Variants in PDE7A observed in about 807,000 individuals in gnomAD.
PDE7A encodes the protein high affinity 3',5'-cyclic-AMP phosphodiesterase 7A.
In PDE7A, 39 loss-of-function variants were observed where a neutral mutation model predicts 64.3. The ratio of observed to expected loss-of-function variants is 0.61; its 90% CI spans 0.47 to 0.79. The LOEUF is 0.79. Ranked by LOEUF, PDE7A falls within the 30% of genes least tolerant of loss-of-function variation. PDE7A has a pLI of 0.00. For missense variants in PDE7A, 470 were observed against 582.8 expected, an observed-to-expected ratio of 0.81 and a Z score of 1.99; for synonymous variants, 203 against 206.8, an observed-to-expected ratio of 0.98 and a Z score of 0.16.
chr8:65,739,473 G>A, intron 6 of PDE7A, 29 bp downstream of exon 6: 1 of 1,522,824 alleles, frequency 6.6e-7, no homozygotes, highest in Non-Finnish European at 8.7e-7. Context: ...TGTAAATCTT[G>A]TTACTGTTAA....
intron 6 of PDE7A, among the ~76,000 whole-genome samples, chr8:65,735,943 A>G (rs1479887613): frequency 6.6e-6 from 1 of 152,058 alleles, no homozygotes; most frequent in Non-Finnish European, 1.5e-5. Context: ...TTTATAATTT[A>G]TATTTTTAGT....
chr8:65,789,947 G>C (rs1809655654), intron 1 of PDE7A, among the ~76,000 whole-genome samples: 1 of 152,204 alleles, frequency 6.6e-6, no homozygotes, highest in Non-Finnish European at 1.5e-5. Context: ...ACACAAAATT[G>C]CAACTGTAAC....
intron 1 of PDE7A, among the ~76,000 whole-genome samples, chr8:65,820,734 C>T (rs1052878989): frequency 4.6e-5 from 7 of 152,052 alleles, no homozygotes; most frequent in Non-Finnish European, 5.9e-5. Flanking sequence ...GGACTACAGA[C>T]GCACACCACT....
Position 65,782,850 on chromosome 8 carries a change from A to C in PDE7A, c.139-7T>G. 6.6e-7 allele frequency: 1 copy of C among 1,524,818 alleles called. No homozygotes were observed. Among genetic ancestry groups the C allele is most frequent in the Non-Finnish European group, 9.1e-7 (1 of 1,102,158 alleles). 94.5% of individuals were successfully genotyped at this position (1,524,818 alleles called of 1,614,324 possible). A position where few individuals can be genotyped will look rare whatever the true frequency, so the allele number is the denominator to read the frequency against. On this transcript the variant is annotated splice_polypyrimidine_tract_variant and splice_region_variant and intron_variant, in intron 1 of 12. Transcript: ENST00000401827. ...AGGAAATAGCTCCACGCCTCTAGAA[A>C]AAAAAATACACATTATAATACATGA...
At chr8:65,757,681 T>C (rs1207275211) in intron 3 of PDE7A, among the ~76,000 whole-genome samples, 1 of 152,182 alleles carries the variant, frequency 6.6e-6, no homozygotes, top group African/African-American at 2.4e-5. Context: ...TGCAGTGGCA[T>C]GATCTGGGCT....
intron 7 of PDE7A, 162 bp from the exon 8 acceptor site, chr8:65,727,463 C>T: frequency 1.0e-6 from 1 of 956,514 alleles, no homozygotes; most frequent in South Asian, 1.7e-5. Flanking sequence ...AGCACATCTG[C>T]CAGGTCCTGA....
intron 3 of PDE7A, among the ~76,000 whole-genome samples, chr8:65,754,399 C>A (rs926050369): frequency 3.3e-5 from 5 of 151,900 alleles, no homozygotes; most frequent in African/African-American, 4.8e-5. Context: ...CCATCATATA[C>A]CTCCTTTCCC....
intron 7 of PDE7A, among the ~76,000 whole-genome samples, chr8:65,732,277 G>C (rs1211307530): frequency 1.3e-5 from 2 of 152,118 alleles, no homozygotes; most frequent in Non-Finnish European, 2.9e-5. Flanking sequence ...GGGATTACAG[G>C]CGTGAGCCAC....
At chr8:65,825,506 C>T (rs1446121354) in intron 1 of PDE7A, among the ~76,000 whole-genome samples, 1 of 152,130 alleles carries the variant, frequency 6.6e-6, no homozygotes, top group African/African-American at 2.4e-5. Flanking sequence ...TTACTTTGGG[C>T]ACCTTACTTT....
At chr8:65,720,586 G>A (rs1203753512) in intron 12 of PDE7A, 2 of 154,066 alleles carry the variant, frequency 1.3e-5, no homozygotes, top group African/African-American at 4.8e-5. Context: ...TATTAATTAT[G>A]TACAATATGT....
intron 3 of PDE7A, among the ~76,000 whole-genome samples, chr8:65,757,873 T>C (rs1808310897): frequency 6.6e-6 from 1 of 152,220 alleles, no homozygotes; most frequent in Non-Finnish European, 1.5e-5. Context: ...CGCCTTGGCC[T>C]CCCAAAGTGC....
chr8:65,829,950 T>G (rs1810772204), intron 1 of PDE7A, among the ~76,000 whole-genome samples: 1 of 152,292 alleles, frequency 6.6e-6, no homozygotes, highest in Middle Eastern at 3.4e-3. Context: ...CATATCAGCA[T>G]GGAGAGTAAA....
chr8:65,833,822 G>A (rs1271030392), intron 1 of PDE7A, among the ~76,000 whole-genome samples: 3 of 152,046 alleles, frequency 2.0e-5, no homozygotes, highest in African/African-American at 7.2e-5. Flanking sequence ...AAATTAGCCA[G>A]GCATGGTGGG....
Position 65,734,825 on chromosome 8 carries a change from T to A in PDE7A, c.665A>T (p.Gln222Leu). 1 of 1,609,890 alleles carries A rather than the reference T, an allele frequency of 6.2e-7. No homozygotes were observed. Among genetic ancestry groups the A allele is most frequent in the Non-Finnish European group, 8.5e-7 (1 of 1,176,152 alleles). The change falls in exon 7 of 13, where the codon CAG (glutamine) becomes CTG (leucine). Residue 222 changes from glutamine to leucine, a missense_variant. Transcript: ENST00000401827. ...TTCCTTTAAGTAACAGTGCATGGCC[T>A]GAGTAACATCCGCAGCGTGGACTGC... is the stretch of plus-strand genomic sequence containing the variant. ...HNAVHAADVT[Q>L]AMHCYLKEPK...
intron 1 of PDE7A, among the ~76,000 whole-genome samples, chr8:65,832,082 A>G (rs1006995299): frequency 4.6e-5 from 7 of 152,178 alleles, no homozygotes; most frequent in African/African-American, 1.7e-4. Context: ...GATAATCTGT[A>G]GATACTCTGG....
At chr8:65,753,465 T>A (rs1004366591) in intron 3 of PDE7A, among the ~76,000 whole-genome samples, 2 of 152,184 alleles carry the variant, frequency 1.3e-5, no homozygotes, top group African/African-American at 4.8e-5. Context: ...CTAGACCAGA[T>A]GTGGAAAGTG....
chr8:65,783,080 A>G (rs1328658063), intron 1 of PDE7A, among the ~76,000 whole-genome samples: 1 of 152,238 alleles, frequency 6.6e-6, no homozygotes, highest in Non-Finnish European at 1.5e-5. Flanking sequence ...AGAGAGACAC[A>G]TGCAGCCTCT....
intron 3 of PDE7A, among the ~76,000 whole-genome samples, chr8:65,761,497 C>T (rs920318366): frequency 6.6e-6 from 1 of 152,146 alleles, no homozygotes; most frequent in African/African-American, 2.4e-5. Context: ...ATTTTAAGTC[C>T]CAGGCTTGTG....
At chr8:65,815,124 T>G (rs192073642) in intron 1 of PDE7A, among the ~76,000 whole-genome samples, 1 of 152,210 alleles carries the variant, frequency 6.6e-6, no homozygotes, top group East Asian at 1.9e-4. Context: ...TAATACACAT[T>G]TACAATAATG....
Sources: gnomAD v4.1 joint callset for allele counts (sites outside exome capture counted in the v4.1 genomes callset) on GRCh38, gnomAD v4.1.1 for gene constraint, MANE v1.5 for transcripts, NCBI Gene and HGNC (gene_info 2026-07-23, HGNC 2026-07-21) for gene names.